TMPRSS11A: variants seen among roughly 807,000 people sequenced by gnomAD.
TMPRSS11A encodes transmembrane serine protease 11A.
A neutral mutation model predicts 58.9 loss-of-function variants in TMPRSS11A; 53 were observed. The observed-to-expected ratio is 0.90, with a 90% CI of 0.72 to 1.13. TMPRSS11A has a LOEUF of 1.13. Among genes scored for constraint, TMPRSS11A ranks in the 50% most tolerant of loss-of-function variants. The pLI is 0.00. For missense variants in TMPRSS11A, 493 were observed against 499.3 expected (o/e 0.99, Z 0.12); for synonymous variants, 167 against 169.8 (o/e 0.98, Z 0.13).
chr4:67,919,324 C>A (rs80249774), intron 7 of TMPRSS11A, 92 bp from the exon 8 acceptor site: 1 of 1,172,538 alleles, frequency 8.5e-7, no homozygotes, highest in African/African-American at 1.5e-5. Flanking sequence ...AAGAGAAATA[C>A]AATCCTGAGA....
At chr4:67,953,022 C>T (rs1255468405) in intron 1 of TMPRSS11A, among the ~76,000 whole-genome samples, 2 of 152,126 alleles carry the variant, frequency 1.3e-5, no homozygotes, top group Admixed American at 6.5e-5. Context: ...AATTGTTCCA[C>T]CTCAGATCAT....
At chr4:67,939,181 T>C (rs1484219443) in intron 3 of TMPRSS11A, among the ~76,000 whole-genome samples, 1 of 152,024 alleles carries the variant, frequency 6.6e-6, no homozygotes, top group Non-Finnish European at 1.5e-5. Flanking sequence ...TGTGTCGCTA[T>C]TGAAAATGGG....
chr4:67,945,717 C>G (rs1248080730), intron 2 of TMPRSS11A, among the ~76,000 whole-genome samples: 2 of 152,052 alleles, frequency 1.3e-5, no homozygotes, highest in African/African-American at 2.4e-5. Context: ...AGTGAGCAGC[C>G]TGAGTTATTT....
rs751594958 is a variant in TMPRSS11A, at chr4:67,922,790, G to A, written c.657C>T (p.Asn219=). ...AGTGTGCTGCAGTGACAAGCCATGT[G>A]TTACTAATCAAGGTGGCCCCACACT... ...IHQCGATLIS[N]TWLVTAAHCF... Residue 219 remains asparagine (N), a synonymous_variant, in exon 7 of 10, where the codon AAC becomes AAT. Transcript: ENST00000508048. 1 of 1,614,122 alleles carries A rather than the reference G, an allele frequency of 6.2e-7. No homozygotes were observed.
At position 67,922,737 on chromosome 4, in the gene TMPRSS11A, T is replaced by C; in HGVS notation, c.692+18A>G. ...CTTTTTAGCAGAAGTGGGTTCTAAC[T>C]TAAGGTCAATAACTTACTTCTGGAA... On this transcript the variant is annotated intron_variant, in intron 7 of 9. Transcript: ENST00000508048. 1 of 1,609,330 alleles carries C rather than the reference T, an allele frequency of 6.2e-7. No individual in the cohort carries two copies. The highest frequency in any genetic ancestry group is 8.5e-7 in the Non-Finnish European group (1 of 1,176,202).
At chr4:67,950,349 C>A (rs1445559351) in intron 1 of TMPRSS11A, among the ~76,000 whole-genome samples, 2 of 152,240 alleles carry the variant, frequency 1.3e-5, no homozygotes, top group African/African-American at 4.8e-5. Flanking sequence ...TTACTTGCCA[C>A]TTGGCCATCT....
chr4:67,917,365 T>C (rs80140581), intron 8 of TMPRSS11A, among the ~76,000 whole-genome samples: 2,862 of 152,318 alleles, frequency 0.019, 86 homozygotes, highest in African/African-American at 0.063. Flanking sequence ...TCTCTTTATT[T>C]ACATATGTTT....
chr4:67,921,006 A>G lies in TMPRSS11A; in HGVS notation c.692+1749T>C, dbSNP rs375198666. On this transcript the variant is annotated intron_variant, in intron 7 of 9. Coordinates refer to ENST00000508048, the MANE Select transcript of TMPRSS11A (RefSeq NM_001114387.2). Reference sequence around the variant, plus strand: ...ACTTATGGTTTGGATATTCTCCCTCATTTTATGTTTGGTCTGAAAAAGAGA... The same window carrying G: ...ACTTATGGTTTGGATATTCTCCCTCGTTTTATGTTTGGTCTGAAAAAGAGA... 6.6e-5 allele frequency among the ~76,000 whole-genome samples: 10 copies of G among 152,278 alleles called. No individual in the cohort carries two copies. In the East Asian group the frequency reaches 1.5e-3, roughly 24 times the overall value.
At position 67,919,224 on chromosome 4, in the gene TMPRSS11A, T is replaced by C; in HGVS notation, c.701A>G (p.Asn234Ser). 6.2e-7 allele frequency: 1 copy of C among 1,613,660 alleles called. No individual in the cohort carries two copies. The highest frequency in any genetic ancestry group is 8.5e-7 in the Non-Finnish European group (1 of 1,179,698). ...TAAHCFQKYK[N>S]PHQWTVSFGT... ...AAAACTAACAGTCCATTGATGTGGA[T>C]TTTTATACCTGGAAAAGGTTAGAAA... Residue 234 changes from asparagine to serine, a missense_variant, in exon 8 of 10, where the codon AAT becomes AGT. Transcript: ENST00000508048.
intron 7 of TMPRSS11A, among the ~76,000 whole-genome samples, chr4:67,920,548 TA>T (rs139616062): frequency 0.019 from 1,311 of 69,362 alleles, 23 homozygotes; most frequent in African/African-American, 0.066. Context: ...TATATATATA[TA>T]TTTTTTTTTA....
chr4:67,947,466 A>C (rs992897059), intron 1 of TMPRSS11A, among the ~76,000 whole-genome samples: 2 of 152,144 alleles, frequency 1.3e-5, no homozygotes, highest in African/African-American at 4.8e-5. Flanking sequence ...TACTTTCTGG[A>C]CTTGTCTGAA....
At position 67,911,099 on chromosome 4, in the gene TMPRSS11A, A is replaced by G; in HGVS notation, c.*243T>C. 2.9e-6 allele frequency: 1 copy of G among 348,692 alleles called. No individual in the cohort carries two copies. The highest frequency in any genetic ancestry group is 5.2e-6 in the Non-Finnish European group (1 of 191,622). 21.6% of individuals were successfully genotyped at this position (348,692 alleles called of 1,614,324 possible). Reference sequence around the variant, plus strand: ...TGGTACTTCAACATTCGTGATTTAAAGAGCTAAGTATCTCTACCGTATTTT... The same window carrying G: ...TGGTACTTCAACATTCGTGATTTAAGGAGCTAAGTATCTCTACCGTATTTT... On this transcript the variant is annotated 3_prime_UTR_variant, in exon 10 of 10. Transcript: ENST00000508048.
chr4:67,948,788 G>T (rs17088813), intron 1 of TMPRSS11A, among the ~76,000 whole-genome samples: 1,659 of 152,226 alleles, frequency 0.011, 25 homozygotes, highest in African/African-American at 0.038. Flanking sequence ...AAGTGAAGGA[G>T]ACCTTAAAGA....
At chr4:67,923,645 T>TA (rs1294555096) in intron 6 of TMPRSS11A, among the ~76,000 whole-genome samples, 1 of 152,174 alleles carries the variant, frequency 6.6e-6, no homozygotes, top group Non-Finnish European at 1.5e-5. Context: ...TAGCTGGGAC[T>TA]ACAGGCACCT....
chr4:67,923,492 G>A (rs1479285571), intron 6 of TMPRSS11A, among the ~76,000 whole-genome samples: 1 of 152,102 alleles, frequency 6.6e-6, no homozygotes, highest in Non-Finnish European at 1.5e-5. Flanking sequence ...CGATTAAGAT[G>A]AATCTATTAA....
intron 1 of TMPRSS11A, among the ~76,000 whole-genome samples, chr4:67,958,146 G>A (rs1337279382): frequency 6.6e-6 from 1 of 152,212 alleles, no homozygotes; most frequent in East Asian, 1.9e-4. Flanking sequence ...CTAGGGAAGT[G>A]CAGAAGTGAA....
intron 6 of TMPRSS11A, among the ~76,000 whole-genome samples, chr4:67,923,443 C>T (rs527377866): frequency 6.6e-6 from 1 of 152,286 alleles, no homozygotes; most frequent in South Asian, 2.1e-4. Flanking sequence ...AAAATTTAGG[C>T]CACAGTGATT....
intron 1 of TMPRSS11A, among the ~76,000 whole-genome samples, chr4:67,959,200 G>A (rs1235754436): frequency 6.6e-6 from 1 of 152,160 alleles, no homozygotes; most frequent in African/African-American, 2.4e-5. Flanking sequence ...TCAATTCATT[G>A]ACTATAGACA....
In TMPRSS11A at chr4:67,922,319, G is replaced by A. The variant is rs556078619; in HGVS notation, c.692+436C>T. Among the ~76,000 whole-genome samples, 19 of 152,224 alleles carry A rather than the reference G, an allele frequency of 1.2e-4. No homozygotes were observed. The South Asian group carries it at 3.3e-3, about 27-fold the overall frequency. On this transcript the variant is annotated intron_variant, in intron 7 of 9. Coordinates refer to ENST00000508048, the MANE Select transcript of TMPRSS11A (RefSeq NM_001114387.2). ...TCCATCATCACGGTTACCAACTTCCGGCATTTATTGAAAATTTCCATTTTA... is the reference window on the plus strand; with the variant it reads ...TCCATCATCACGGTTACCAACTTCCAGCATTTATTGAAAATTTCCATTTTA...
Sources: allele counts gnomAD v4.1 joint callset (sites outside exome capture counted in the v4.1 genomes callset), GRCh38; gene constraint gnomAD v4.1.1; transcripts MANE v1.5; gene names NCBI Gene and HGNC (gene_info 2026-07-23, HGNC 2026-07-21).